The following MOXD1 variants were observed in gnomAD, a reference collection of about 807,000 sequenced individuals.
The protein encoded by MOXD1 is DBH-like monooxygenase protein 1.
MOXD1 carries 62 observed loss-of-function variants against 66.6 expected under a neutral mutation model. The observed-to-expected ratio is 0.93, with a 90% CI of 0.76 to 1.15. The LOEUF (loss-of-function observed/expected upper bound fraction) is 1.15, where lower values mean the gene tolerates loss of function less well. MOXD1 is among the 50% of genes most tolerant of loss of function. MOXD1 has a pLI of 0.00. For synonymous variants in MOXD1, 303 were observed against 281.9 expected (o/e 1.07, Z -0.75); for missense variants, 847 against 754.6 (o/e 1.12, Z -1.44).
rs1774417194 is a variant in MOXD1 at position 132,297,055 on chromosome 6, C to T, written c.*98G>A. 2 of 1,288,090 alleles carry T rather than the reference C, an allele frequency of 1.6e-6. No homozygotes were observed. Among genetic ancestry groups the T allele is most frequent in the Admixed American group, 4.5e-5 (2 of 44,800 alleles). 79.8% of individuals were successfully genotyped at this position (1,288,090 alleles called of 1,614,324 possible). Reference sequence around the variant, plus strand: ...AGGGAAAATGGGGAAGAAAAGTCTCCACACTCTTCATGCCCAAAGTGGACA... The same window carrying T: ...AGGGAAAATGGGGAAGAAAAGTCTCTACACTCTTCATGCCCAAAGTGGACA... On this transcript the variant is annotated 3_prime_UTR_variant, in exon 12 of 12. Transcript: ENST00000367963.
chr6:132,346,725 C>T (rs1775675930), intron 4 of MOXD1, among the ~76,000 whole-genome samples: 1 of 151,976 alleles, frequency 6.6e-6, no homozygotes, highest in South Asian at 2.1e-4. Context: ...TTTTTTTGCC[C>T]CTTCCATGTA....
intron 4 of MOXD1, among the ~76,000 whole-genome samples, chr6:132,343,612 T>G (rs1775608482): frequency 6.6e-6 from 1 of 151,734 alleles, no homozygotes; most frequent in Non-Finnish European, 1.5e-5. Flanking sequence ...TCCACATGGT[T>G]ACAAACAGAG....
intron 1 of MOXD1, among the ~76,000 whole-genome samples, chr6:132,400,509 T>G (rs1045861491): frequency 4.6e-5 from 7 of 152,118 alleles, no homozygotes; most frequent in African/African-American, 1.7e-4. Context: ...CAAATTAACT[T>G]TATTGGTTAT....
intron 4 of MOXD1, among the ~76,000 whole-genome samples, chr6:132,337,110 G>A (rs1416468979): frequency 1.3e-5 from 2 of 152,188 alleles, no homozygotes; most frequent in East Asian, 3.9e-4. Context: ...CACTGAAGCT[G>A]TTCCTGAAAC....
intron 4 of MOXD1, among the ~76,000 whole-genome samples, chr6:132,335,506 G>A (rs1746044784): frequency 6.6e-6 from 1 of 152,164 alleles, no homozygotes. Context: ...ACAGAGAGAA[G>A]ATGGAGGCAT....
At chr6:132,314,305 T>A (rs531993443) in intron 10 of MOXD1, among the ~76,000 whole-genome samples, 1 of 152,346 alleles carries the variant, frequency 6.6e-6, no homozygotes, top group East Asian at 1.9e-4. Context: ...CAACTTGGTG[T>A]CACCACCTTG....
chr6:132,346,304 C>T, intron 4 of MOXD1, among the ~76,000 whole-genome samples: 1 of 151,942 alleles, frequency 6.6e-6, no homozygotes, highest in South Asian at 2.1e-4. Flanking sequence ...ACTTCTAGTA[C>T]CTGTGTTTAT....
Position 132,319,157 on chromosome 6 carries a change from T to A in MOXD1, c.1365+1472A>T, listed in dbSNP as rs73779067. ...ACCTTTTGCTCTTCTGTGTAAATTT[T>A]AGAATCAACTTGCTCCATGTGAAAG... On this transcript the variant is annotated intron_variant, in intron 9 of 11. Coordinates refer to ENST00000367963, the MANE Select transcript of MOXD1 (RefSeq NM_015529.4). 2.0e-5 allele frequency among the ~76,000 whole-genome samples: 3 copies of A among 152,078 alleles called. No individual in the cohort carries two copies. In the South Asian group the frequency reaches 6.2e-4, roughly 32 times the overall value.
intron 4 of MOXD1, among the ~76,000 whole-genome samples, chr6:132,346,318 TA>T (rs1403562278): frequency 6.6e-6 from 1 of 152,226 alleles, no homozygotes; most frequent in Non-Finnish European, 1.5e-5. Flanking sequence ...TGTTTATATG[TA>T]ATTTGTCATG....
rs144148468 is a variant in MOXD1 at position 132,392,312 on chromosome 6, A to G, written c.264+8851T>C. The stretch of plus-strand genomic sequence containing the variant: ...CAAGCAAGCAAGGCTGTAAGAAATG[A>G]TAACATATGTTTCAGCCTCCATTCA... On this transcript the variant is annotated intron_variant, in intron 1 of 11. Coordinates refer to ENST00000367963, the MANE Select transcript of MOXD1 (RefSeq NM_015529.4). 1.8e-4 allele frequency: 285 copies of G among 1,589,400 alleles called. 3 individuals carry two copies. In the East Asian group the frequency reaches 6.1e-3, roughly 34 times the overall value.
At chr6:132,400,748 C>T (rs542377630) in intron 1 of MOXD1, among the ~76,000 whole-genome samples, 1 of 152,226 alleles carries the variant, frequency 6.6e-6, no homozygotes, top group East Asian at 1.9e-4. Context: ...TCCTAGACAG[C>T]AAGTCCGCGA....
At chr6:132,302,011 A>T (rs1035073025) in intron 10 of MOXD1, among the ~76,000 whole-genome samples, 1 of 152,196 alleles carries the variant, frequency 6.6e-6, no homozygotes, top group African/African-American at 2.4e-5. Context: ...GAGTTAAGGG[A>T]GTCTGAAGAA....
At chr6:132,356,093 G>A (rs1775905667) in intron 4 of MOXD1, among the ~76,000 whole-genome samples, 1 of 152,202 alleles carries the variant, frequency 6.6e-6, no homozygotes, top group African/African-American at 2.4e-5. Context: ...GACAGTACCT[G>A]GGAGGGGACG....
At chr6:132,370,153 A>G (rs1776235661) in intron 4 of MOXD1, among the ~76,000 whole-genome samples, 1 of 152,162 alleles carries the variant, frequency 6.6e-6, no homozygotes. Flanking sequence ...GGAACATAAA[A>G]TGAAAAATAA....
rs1774442749 is a variant in MOXD1 at position 132,297,808 on chromosome 6, C to G, written c.1656G>C (p.Lys552Asn). ...TTACCGACCACTCAGCATTGTCTGT[C>G]TTGGAACATCTCACATTCACTGGCA... ...LSLPVNVRCS[K>N]TDNAEWSIQG... The change falls in exon 11 of 12, where the codon AAG becomes AAC. Residue 552 changes from lysine to asparagine, a missense_variant. By Grantham distance (94) the Lys-to-Asn change is moderately conservative. Coordinates refer to ENST00000367963, the MANE Select transcript of MOXD1 (RefSeq NM_015529.4). 3.1e-6 allele frequency: 5 copies of G among 1,610,888 alleles called. No individual in the cohort carries two copies. The highest frequency in any genetic ancestry group is 4.2e-6 in the Non-Finnish European group (5 of 1,178,816).
intron 4 of MOXD1, among the ~76,000 whole-genome samples, chr6:132,329,138 T>C (rs1775256903): frequency 6.6e-6 from 1 of 152,072 alleles, no homozygotes; most frequent in Non-Finnish European, 1.5e-5. Context: ...CGACAGGCCC[T>C]GGTGTGTGAT....
chr6:132,387,182 T>C (rs1279482330), intron 1 of MOXD1, among the ~76,000 whole-genome samples: 1 of 151,350 alleles, frequency 6.6e-6, no homozygotes, highest in African/African-American at 2.4e-5. Context: ...CTTCCTTTGA[T>C]ATGAACAGTA....
rs528140251 is a variant in MOXD1, at chr6:132,390,976, CAT to C, written c.264+10185_264+10186del. 6.7e-4 allele frequency: 101 copies of C among 151,566 alleles called. 2 individuals carry two copies. Among genetic ancestry groups the C allele is most frequent in the African/African-American group, 2.4e-3 (98 of 41,514 alleles). 9.4% of individuals were successfully genotyped at this position (151,566 alleles called of 1,614,324 possible). On this transcript the variant is annotated intron_variant, in intron 1 of 11. Coordinates refer to ENST00000367963, the MANE Select transcript of MOXD1 (RefSeq NM_015529.4). ...TTTCACTATTTAGGAGGAAAATTAA[CAT>C]ATGTTTTTATGTAAGCTACAGTTTG...
At chr6:132,314,193 C>T (rs1157726854) in intron 10 of MOXD1, among the ~76,000 whole-genome samples, 1 of 152,152 alleles carries the variant, frequency 6.6e-6, no homozygotes. Context: ...CATCACTGAG[C>T]CTTTACTCTG....
Sources: gnomAD v4.1 joint callset for allele counts (sites outside exome capture counted in the v4.1 genomes callset) on GRCh38, gnomAD v4.1.1 for gene constraint, MANE v1.5 for transcripts, NCBI Gene and HGNC (gene_info 2026-07-23, HGNC 2026-07-21) for gene names.